Variants in PSMD7 observed in about 807,000 individuals in gnomAD.
The protein encoded by PSMD7 is 26S proteasome non-ATPase regulatory subunit 7.
Under a neutral mutation model 36.4 loss-of-function variants are expected in PSMD7, and 13 were observed. The observed-to-expected ratio is 0.36, with a 90% CI of 0.23 to 0.57. PSMD7 has a LOEUF of 0.57. PSMD7 is among the 20% of genes least tolerant of loss of function. PSMD7 has a pLI of 0.83. For missense variants in PSMD7, 298 were observed against 393.6 expected, an observed-to-expected ratio of 0.76 and a Z score of 2.06; for synonymous variants, 186 against 151.0, an observed-to-expected ratio of 1.23 and a Z score of -1.70.
intron 3 of PSMD7, among the ~76,000 whole-genome samples, 185 bp downstream of exon 3, chr16:74,301,329 G>A (rs1435882838): frequency 6.6e-6 from 1 of 152,132 alleles, no homozygotes; most frequent in African/African-American, 2.4e-5. Flanking sequence ...CCAAATAGGC[G>A]ACCTGGGTTT....
chr16:74,303,800 C>T (rs1216819853), intron 5 of PSMD7, among the ~76,000 whole-genome samples: 2 of 151,914 alleles, frequency 1.3e-5, no homozygotes, highest in Non-Finnish European at 2.9e-5. Context: ...CGACTCACTG[C>T]ACCCTCCACC....
intron 1 of PSMD7, 43 bp downstream of exon 1, chr16:74,297,031 C>G: frequency 6.3e-7 from 1 of 1,589,064 alleles, no homozygotes; most frequent in Non-Finnish European, 8.6e-7. Flanking sequence ...GCAGCCGCTG[C>G]TGAGTCACGG....
At chr16:74,302,889 C>T (rs1264885267) in intron 5 of PSMD7, among the ~76,000 whole-genome samples, 1 of 152,184 alleles carries the variant, frequency 6.6e-6, no homozygotes, top group Non-Finnish European at 1.5e-5. Context: ...TAGCTCTGTG[C>T]AAATGTTCCT....
rs1377486103 is a variant in PSMD7, at chr16:74,296,908, T to C, written c.-7T>C. Reference sequence around the variant, plus strand: ...GGAGCCAGGCCTGGCGAGCGGGGTGTGTCGCGATGCCGGAGCTGGCAGTGC... The same window carrying C: ...GGAGCCAGGCCTGGCGAGCGGGGTGCGTCGCGATGCCGGAGCTGGCAGTGC... On this transcript the variant is annotated 5_prime_UTR_variant, in exon 1 of 7. Transcript: ENST00000219313. 2 of 1,612,946 alleles carry C rather than the reference T, an allele frequency of 1.2e-6. No homozygotes were observed. Among genetic ancestry groups the C allele is most frequent in the South Asian group, 2.2e-5 (2 of 90,782 alleles).
chr16:74,304,230 C>T, intron 5 of PSMD7, 73 bp from the exon 6 acceptor site: 1 of 1,340,628 alleles, frequency 7.5e-7, no homozygotes, highest in Non-Finnish European at 1.1e-6. Flanking sequence ...GCAAAAGACT[C>T]AGGGTGCGAA....
intron 4 of PSMD7, 41 bp from the exon 5 acceptor site, chr16:74,302,171 C>A: frequency 6.6e-7 from 1 of 1,518,548 alleles, no homozygotes; most frequent in Non-Finnish European, 9.1e-7. Context: ...CCCTTTTGTG[C>A]TGGGCGTGAG....
intron 5 of PSMD7, 48 bp from the exon 6 acceptor site, chr16:74,304,255 A>G (rs774439123): frequency 6.5e-7 from 1 of 1,534,128 alleles, no homozygotes; most frequent in South Asian, 1.1e-5. Context: ...AACACATGTC[A>G]GTTCGTTTGT....
intron 1 of PSMD7, among the ~76,000 whole-genome samples, chr16:74,299,270 TGA>T (rs1042106539): frequency 1.6e-4 from 24 of 152,326 alleles, no homozygotes; most frequent in African/African-American, 5.1e-4. Context: ...ACCAAGGAAA[TGA>T]GAGTGTGTAA....
At position 74,302,390 on chromosome 16, in the gene PSMD7, C is replaced by T. The variant is rs141163944; in HGVS notation, c.438+98C>T. ...TTCAGGTCAACAAATCCTTTGTCTC[C>T]GTAACAAAAGAAGGTAGTTTTTTTC... is the stretch of plus-strand genomic sequence containing the variant. On this transcript the variant is annotated intron_variant, in intron 5 of 6. Transcript: ENST00000219313. 7.8e-5 allele frequency: 76 copies of T among 971,186 alleles called. 1 individual carries two copies. In the East Asian group the frequency reaches 1.5e-3, roughly 19 times the overall value. The allele number at this position is 971,186 out of a possible 1,614,324, so 60.2% of individuals were successfully genotyped here. A position where few individuals can be genotyped will look rare whatever the true frequency, so the allele number is the denominator to read the frequency against.
At chr16:74,301,725 A>G in intron 4 of PSMD7, 73 bp downstream of exon 4, 1 of 1,274,956 alleles carries the variant, frequency 7.8e-7, no homozygotes, top group Non-Finnish European at 1.1e-6. Flanking sequence ...GCATCCTGGG[A>G]AGAATTTGAG....
At position 74,305,740 on chromosome 16, in the gene PSMD7, T is replaced by C. The variant is rs1414157571; in HGVS notation, c.*7T>C. On this transcript the variant is annotated 3_prime_UTR_variant, in exon 7 of 7. Transcript: ENST00000219313. ...GAAAAAGGAGAAAAAGTAAAACATGTATTAAATAGCTTTTTTAATTTGTAA... is the reference window on the plus strand; with the variant it reads ...GAAAAAGGAGAAAAAGTAAAACATGCATTAAATAGCTTTTTTAATTTGTAA... 7.1e-7 allele frequency: 1 copy of C among 1,414,402 alleles called. No individual in the cohort carries two copies. The highest frequency in any genetic ancestry group is 9.3e-7 in the Non-Finnish European group (1 of 1,078,384). 87.6% of individuals were successfully genotyped at this position (1,414,402 alleles called of 1,614,324 possible).
At chr16:74,300,297 A>C (rs921050357) in intron 2 of PSMD7, 91 bp downstream of exon 2, 4 of 1,155,040 alleles carry the variant, frequency 3.5e-6, no homozygotes, top group African/African-American at 3.1e-5. Context: ...TTTTGACTAC[A>C]ACCCAGAGAT....
At position 74,304,897 on chromosome 16, in the gene PSMD7, A is replaced by AGAT. The variant is rs1191674619; in HGVS notation, c.531-390_531-388dup. Among the ~76,000 whole-genome samples, 5 of 152,214 alleles carry AGAT rather than the reference A, an allele frequency of 3.3e-5. No homozygotes were observed. The East Asian group carries it at 9.6e-4, about 29-fold the overall frequency. The stretch of plus-strand genomic sequence containing the variant: ...TTAGTTAAGCTTCTCAATATTCTGG[A>AGAT]GATGCATGTAGAGAAAATGCCATCC... On this transcript the variant is annotated intron_variant, in intron 6 of 6. Transcript: ENST00000219313.
intron 5 of PSMD7, 45 bp downstream of exon 5, chr16:74,302,337 T>A (rs768881645): frequency 6.8e-7 from 1 of 1,465,230 alleles, no homozygotes; most frequent in Non-Finnish European, 9.4e-7. Context: ...CTGCTACTTA[T>A]TGGGTGATTA....
chr16:74,304,500 C>T (rs1265086756), intron 6 of PSMD7, 106 bp downstream of exon 6: 14 of 903,794 alleles, frequency 1.5e-5, no homozygotes, highest in South Asian at 6.8e-5. Flanking sequence ...TCGTCCTGGC[C>T]GTCCACTAAC....
chr16:74,300,032 G>A, intron 1 of PSMD7, 83 bp from the exon 2 acceptor site: 2 of 1,193,262 alleles, frequency 1.7e-6, no homozygotes, highest in East Asian at 2.4e-5. Flanking sequence ...CTGTGCCATT[G>A]ATATTTCCCA....
intron 2 of PSMD7, 165 bp downstream of exon 2, chr16:74,300,371 A>AAT (rs1272351321): frequency 2.6e-5 from 17 of 646,572 alleles, no homozygotes; most frequent in Non-Finnish European, 4.5e-5. Context: ...CCAGACAGTA[A>AAT]ATATTTTAAA....
chr16:74,301,504 G>A (rs767330139), intron 3 of PSMD7, 51 bp from the exon 4 acceptor site: 8 of 1,343,886 alleles, frequency 6.0e-6, no homozygotes, highest in East Asian at 2.3e-5. Context: ...TGAGGGAGTT[G>A]TATAGATCTT....
rs2034191779 is a variant in PSMD7 at position 74,305,770 on chromosome 16, A to G, written c.*37A>G. 7.1e-7 allele frequency: 1 copy of G among 1,409,000 alleles called. No individual in the cohort carries two copies. The highest frequency in any genetic ancestry group is 9.2e-7 in the Non-Finnish European group (1 of 1,082,684). The allele number at this position is 1,409,000 out of a possible 1,614,324, so 87.3% of individuals were successfully genotyped here. A position where few individuals can be genotyped will look rare whatever the true frequency, so the allele number is the denominator to read the frequency against. On this transcript the variant is annotated 3_prime_UTR_variant, in exon 7 of 7. Coordinates refer to ENST00000219313, the MANE Select transcript of PSMD7 (RefSeq NM_002811.5). ...AATAGCTTTTTTAATTTGTAAATTA[A>G]AATCTTACAAACTAAATCAGTGTGC...
Sources: allele counts gnomAD v4.1 joint callset (sites outside exome capture counted in the v4.1 genomes callset), GRCh38; gene constraint gnomAD v4.1.1; transcripts MANE v1.5; gene names NCBI Gene and HGNC (gene_info 2026-07-23, HGNC 2026-07-21).